STAG1: variants seen among roughly 807,000 people sequenced by gnomAD.
STAG1 encodes cohesin subunit SA-1.
A neutral mutation model predicts 170.9 loss-of-function variants in STAG1; 26 were observed. That is an observed-to-expected ratio of 0.15 (90% CI 0.11 to 0.21). The LOEUF (loss-of-function observed/expected upper bound fraction) is 0.21. STAG1 is among the 10% of genes least tolerant of loss of function. STAG1 has a pLI of 1.00. For missense variants in STAG1, 964 were observed against 1,509.5 expected (o/e 0.64, Z 5.99); for synonymous variants, 514 against 497.7 (o/e 1.03, Z -0.44).
intron 23 of STAG1, among the ~76,000 whole-genome samples, chr3:136,372,750 C>T (rs1000344155): frequency 2.6e-5 from 4 of 152,126 alleles, no homozygotes; most frequent in African/African-American, 9.7e-5. Context: ...TTCAGTTTTC[C>T]AGTATTTTAT....
chr3:136,626,813 A>G (rs1352648164), intron 2 of STAG1, among the ~76,000 whole-genome samples: 3 of 152,272 alleles, frequency 2.0e-5, no homozygotes, highest in African/African-American at 7.2e-5. Flanking sequence ...ATGAATGAGG[A>G]AATGAAAGAT....
At chr3:136,579,111 T>C (rs144793768) in intron 4 of STAG1, among the ~76,000 whole-genome samples, 1 of 152,332 alleles carries the variant, frequency 6.6e-6, no homozygotes, top group East Asian at 1.9e-4. Flanking sequence ...TCTTGAAGAA[T>C]GACTATGGAC....
intron 1 of STAG1, among the ~76,000 whole-genome samples, chr3:136,652,930 C>A (rs1941263085): frequency 6.6e-6 from 1 of 152,144 alleles, no homozygotes; most frequent in Non-Finnish European, 1.5e-5. Flanking sequence ...TGTCTCCACA[C>A]ATTGCCAAAT....
chr3:136,743,031 T>C (rs951036429), intron 1 of STAG1, among the ~76,000 whole-genome samples: 3 of 152,154 alleles, frequency 2.0e-5, no homozygotes, highest in African/African-American at 7.2e-5. Flanking sequence ...CAGTTGGTTA[T>C]TTGAAAAAAT....
intron 4 of STAG1, among the ~76,000 whole-genome samples, chr3:136,578,592 C>G (rs1426949253): frequency 6.6e-6 from 1 of 152,220 alleles, no homozygotes; most frequent in African/African-American, 2.4e-5. Context: ...CCAAAGGGAC[C>G]TGTAGCCATT....
Position 136,337,936 on chromosome 3 carries a change from T to TTTATC in STAG1, c.*313_*317dup, listed in dbSNP as rs536883515. 4 of 262,326 alleles carry TTTATC rather than the reference T, an allele frequency of 1.5e-5. No homozygotes were observed. The highest frequency in any genetic ancestry group is 2.9e-5 in the Non-Finnish European group (4 of 139,794). 16.2% of individuals were successfully genotyped at this position (262,326 alleles called of 1,614,324 possible). On this transcript the variant is annotated 3_prime_UTR_variant, in exon 34 of 34. Transcript: ENST00000383202. The stretch of plus-strand genomic sequence containing the variant: ...TTCATAAAACAGGTGTATAACAGTG[T>TTTATC]TTATCTTGACAGCTGTTTTAAAAAT...
rs747715644 is a variant in STAG1 at position 136,737,318 on chromosome 3, G to A, written c.-84+14877C>T. On this transcript the variant is annotated intron_variant, in intron 1 of 33. Coordinates refer to ENST00000383202, the MANE Select transcript of STAG1 (RefSeq NM_005862.3). Reference sequence around the variant, plus strand: ...GGGGTTTCACTATGTTGGCCAGGCTGGTCTCCAACTCCTGACCTCGTGATC... The same window carrying A: ...GGGGTTTCACTATGTTGGCCAGGCTAGTCTCCAACTCCTGACCTCGTGATC... 153 of 394,748 alleles carry A rather than the reference G, an allele frequency of 3.9e-4. 1 individual carries two copies. Among genetic ancestry groups the A allele is most frequent in the Non-Finnish European group, 6.1e-4 (124 of 204,578 alleles). 24.5% of individuals were successfully genotyped at this position (394,748 alleles called of 1,614,324 possible). A position where few individuals can be genotyped will look rare whatever the true frequency, so the allele number is the denominator to read the frequency against.
intron 1 of STAG1, among the ~76,000 whole-genome samples, chr3:136,636,051 C>G (rs1297112324): frequency 6.6e-6 from 1 of 151,986 alleles, no homozygotes; most frequent in African/African-American, 2.4e-5. Flanking sequence ...AGTTCAAGAC[C>G]AGACTGGCCA....
intron 1 of STAG1, among the ~76,000 whole-genome samples, chr3:136,744,135 C>T (rs13097321): frequency 7.2e-5 from 11 of 152,190 alleles, no homozygotes; most frequent in African/African-American, 2.4e-5. Context: ...CTAGACCAGC[C>T]TGACCAACAT....
chr3:136,549,611 T>C (rs563295114), intron 5 of STAG1, among the ~76,000 whole-genome samples: 28 of 151,924 alleles, frequency 1.8e-4, no homozygotes, highest in African/African-American at 6.5e-4. Flanking sequence ...TGGTTTTCTA[T>C]ATATAAGATT....
rs1232087781 is a variant in STAG1, at chr3:136,569,276, T to C, written c.298-415A>G. Among the ~76,000 whole-genome samples the C allele has an allele frequency of 2.6e-5, 4 of 152,134 alleles. No homozygotes were observed. In the South Asian group the frequency reaches 8.3e-4, roughly 32 times the overall value. On this transcript the variant is annotated intron_variant, in intron 4 of 33. Transcript: ENST00000383202. ...GAATGCAAATAATAAGAGGCATTTT[T>C]TCAAGAGTACAAGAATGGCTTAATA...
intron 6 of STAG1, among the ~76,000 whole-genome samples, chr3:136,524,139 T>A (rs549970143): frequency 6.6e-6 from 1 of 152,292 alleles, no homozygotes; most frequent in East Asian, 1.9e-4. Flanking sequence ...AAGAAAGTCA[T>A]TGGTAGCTTG....
intron 7 of STAG1, among the ~76,000 whole-genome samples, chr3:136,514,453 C>T (rs1934242319): frequency 1.3e-5 from 2 of 152,210 alleles, no homozygotes; most frequent in African/African-American, 4.8e-5. Context: ...AATGCTTTTA[C>T]ACTGTAAGTG....
At chr3:136,459,474 A>G (rs1359149319) in intron 13 of STAG1, among the ~76,000 whole-genome samples, 1 of 152,172 alleles carries the variant, frequency 6.6e-6, no homozygotes, top group Non-Finnish European at 1.5e-5. Flanking sequence ...AAAAGAATCA[A>G]TGTTTCCAAA....
intron 5 of STAG1, among the ~76,000 whole-genome samples, chr3:136,550,459 C>G (rs374872285): frequency 6.6e-6 from 1 of 152,088 alleles, no homozygotes; most frequent in Non-Finnish European, 1.5e-5. Flanking sequence ...AGGCGCCCAC[C>G]ACCATGCCCG....
intron 23 of STAG1, among the ~76,000 whole-genome samples, chr3:136,372,884 C>T (rs1158369808): frequency 1.3e-5 from 2 of 152,084 alleles, no homozygotes; most frequent in Non-Finnish European, 2.9e-5. Context: ...GGGAGGATTC[C>T]CTCTTTTTCT....
chr3:136,564,186 A>G (rs985633776), intron 5 of STAG1, among the ~76,000 whole-genome samples: 7 of 152,190 alleles, frequency 4.6e-5, no homozygotes. Flanking sequence ...GTAACAAATA[A>G]TGTTGCATTA....
At chr3:136,726,799 T>C (rs536904927) in intron 1 of STAG1, among the ~76,000 whole-genome samples, 3 of 152,204 alleles carry the variant, frequency 2.0e-5, no homozygotes, top group Non-Finnish European at 4.4e-5. Context: ...ATAAAATCTA[T>C]GAGTCCTAAC....
At chr3:136,437,164 C>G (rs1253661795) in intron 15 of STAG1, among the ~76,000 whole-genome samples, 2 of 152,188 alleles carry the variant, frequency 1.3e-5, no homozygotes, top group South Asian at 2.1e-4. Context: ...ATCTCAAGAA[C>G]AGAAACATTC....
Sources: allele counts gnomAD v4.1 joint callset (sites outside exome capture counted in the v4.1 genomes callset), GRCh38; gene constraint gnomAD v4.1.1; transcripts MANE v1.5; gene names NCBI Gene and HGNC (gene_info 2026-07-23, HGNC 2026-07-21).